The following PCDH15 variants were observed in gnomAD, a reference collection of about 807,000 sequenced individuals.
PCDH15 encodes protocadherin-15.
In PCDH15, 129 loss-of-function variants were observed where a neutral mutation model predicts 178.5. The observed-to-expected ratio is 0.72, with a 90% confidence interval of 0.63 to 0.84. PCDH15 has a LOEUF of 0.84. Ranked by LOEUF, PCDH15 falls within the 40% of genes least tolerant of loss-of-function variation. The probability of loss-of-function intolerance (pLI) is 0.00; values close to 1 mark genes in which losing one functional copy is unlikely to be tolerated. For missense variants in PCDH15, 2,230 were observed against 2,099.9 expected (o/e 1.06, Z -1.21); for synonymous variants, 800 against 732.0 (o/e 1.09, Z -1.50).
intron 19 of PCDH15, among the ~76,000 whole-genome samples, chr10:54,021,130 T>C (rs888342652): frequency 2.0e-5 from 3 of 152,078 alleles, no homozygotes. Context: ...TGTGACATGC[T>C]ATCTAAAAGA....
chr10:54,930,022 C>G (rs1837730850), intron 2 of PCDH15, among the ~76,000 whole-genome samples: 1 of 152,142 alleles, frequency 6.6e-6, no homozygotes, highest in African/African-American at 2.4e-5. Context: ...AATTGAGCTG[C>G]AGACATAGAT....
chr10:54,524,839 A>C (rs1345639603), intron 3 of PCDH15, among the ~76,000 whole-genome samples: 1 of 152,164 alleles, frequency 6.6e-6, no homozygotes, highest in Non-Finnish European at 1.5e-5. Flanking sequence ...ATTACCAGCA[A>C]TTGTGATGAA....
intron 3 of PCDH15, among the ~76,000 whole-genome samples, chr10:54,429,691 A>G (rs1252207962): frequency 2.0e-5 from 3 of 152,214 alleles, no homozygotes; most frequent in Non-Finnish European, 2.9e-5. Flanking sequence ...ATCTATACTC[A>G]TATAAGACAA....
rs145484122 is a variant in PCDH15 at position 53,942,879 on chromosome 10, G to C, written c.3123-1904C>G. On this transcript the variant is annotated intron_variant, in intron 23 of 37. Transcript: ENST00000644397. ...TGTTGTTTTAACCCATTAAGTTCAT[G>C]GTAATATTATTATGCCACAACACAA... 8.1e-3 allele frequency among the ~76,000 whole-genome samples: 1,230 copies of C among 152,120 alleles called. 9 individuals are homozygous for C. The highest frequency in any genetic ancestry group is 0.014 in the Non-Finnish European group (923 of 68,002).
At chr10:54,738,840 T>TA (rs536880892) in intron 1 of PCDH15, among the ~76,000 whole-genome samples, 6 of 151,750 alleles carry the variant, frequency 4.0e-5, no homozygotes, top group African/African-American at 1.2e-4. Flanking sequence ...TTTCCTTCTT[T>TA]AAAAAAAAAT....
intron 6 of PCDH15, among the ~76,000 whole-genome samples, chr10:54,336,238 T>C (rs1310043584): frequency 1.3e-5 from 2 of 152,170 alleles, no homozygotes; most frequent in Non-Finnish European, 2.9e-5. Flanking sequence ...AGCCTGATAA[T>C]GCAGTAGAAA....
chr10:55,091,398 G>T (rs1207501140), intron 2 of PCDH15, among the ~76,000 whole-genome samples: 1 of 151,814 alleles, frequency 6.6e-6, no homozygotes, highest in African/African-American at 2.4e-5. Flanking sequence ...AGTTTCTATA[G>T]TTTTCCCATA....
chr10:54,304,818 T>C (rs1341100887), intron 8 of PCDH15, among the ~76,000 whole-genome samples: 3 of 152,042 alleles, frequency 2.0e-5, no homozygotes, highest in Non-Finnish European at 4.4e-5. Flanking sequence ...CTAACATCAC[T>C]TGGGAAGTAG....
intron 2 of PCDH15, among the ~76,000 whole-genome samples, chr10:55,580,201 A>T (rs1034329383): frequency 6.6e-6 from 1 of 152,094 alleles, no homozygotes; most frequent in Non-Finnish European, 1.5e-5. Context: ...TATATAAATA[A>T]CATTTTGTTA....
At chr10:54,107,203 T>G (rs2094931545) in intron 15 of PCDH15, among the ~76,000 whole-genome samples, 1 of 152,224 alleles carries the variant, frequency 6.6e-6, no homozygotes, top group African/African-American at 2.4e-5. Flanking sequence ...TAACAAGAGA[T>G]AATATTAACA....
chr10:55,382,480 C>T (rs1481165814), intron 2 of PCDH15, among the ~76,000 whole-genome samples: 2 of 152,128 alleles, frequency 1.3e-5, no homozygotes, highest in East Asian at 3.9e-4. Flanking sequence ...GAAAGTACCA[C>T]AAGCCAAAGA....
chr10:55,215,371 A>G (rs1292123159), intron 1 of PCDH15, among the ~76,000 whole-genome samples: 1 of 152,092 alleles, frequency 6.6e-6, no homozygotes, highest in East Asian at 1.9e-4. Flanking sequence ...GTAGTTATGC[A>G]TTTGTACAGT....
intron 2 of PCDH15, among the ~76,000 whole-genome samples, chr10:55,432,800 A>AT (rs1838919348): frequency 6.7e-6 from 1 of 149,798 alleles, no homozygotes; most frequent in Non-Finnish European, 1.5e-5. Context: ...TATATATTTT[A>AT]TTTTTAGTAG....
Position 54,640,681 on chromosome 10 carries a change from T to A in PCDH15, c.91+23491A>T, listed in dbSNP as rs191569817. Among the ~76,000 whole-genome samples the A allele has an allele frequency of 4.5e-4, 68 of 151,954 alleles. 1 individual carries two copies. The highest frequency in any genetic ancestry group is 1.6e-3 in the African/African-American group (65 of 41,462). On this transcript the variant is annotated intron_variant, in intron 2 of 37. Coordinates refer to ENST00000644397, the MANE Select transcript of PCDH15 (RefSeq NM_001384140.1). ...CCTTATTCTTGAAATTACTTATAAA[T>A]GACAGGAATTTTATATGAGTTCTAA...
At chr10:54,956,199 C>T (rs562345001) in intron 2 of PCDH15, among the ~76,000 whole-genome samples, 1 of 151,128 alleles carries the variant, frequency 6.6e-6, no homozygotes, top group Non-Finnish European at 1.5e-5. Context: ...GGTGACTAGA[C>T]CACATAAGTA....
At chr10:55,035,414 T>C (rs1564736175) in intron 2 of PCDH15, among the ~76,000 whole-genome samples, 1 of 152,124 alleles carries the variant, frequency 6.6e-6, no homozygotes, top group Non-Finnish European at 1.5e-5. Context: ...TTTCCCTTTT[T>C]CTTACTTGTG....
intron 2 of PCDH15, among the ~76,000 whole-genome samples, chr10:55,072,625 G>A (rs956139571): frequency 6.6e-6 from 1 of 151,944 alleles, no homozygotes; most frequent in Non-Finnish European, 1.5e-5. Flanking sequence ...CAACCAAAAA[G>A]AGTCCAGGAC....
intron 3 of PCDH15, 60 bp from the exon 4 acceptor site, chr10:54,379,002 G>T: frequency 6.3e-7 from 1 of 1,591,416 alleles, no homozygotes; most frequent in African/African-American, 1.3e-5. Flanking sequence ...CTTTAGCAAA[G>T]ATCATGCTCT....
intron 14 of PCDH15, among the ~76,000 whole-genome samples, chr10:54,149,766 A>C (rs939085323): frequency 6.6e-6 from 1 of 152,160 alleles, no homozygotes; most frequent in Non-Finnish European, 1.5e-5. Flanking sequence ...GAAGAGATTG[A>C]AGAGAGCACA....
Sources: gnomAD v4.1 joint callset for allele counts (sites outside exome capture counted in the v4.1 genomes callset) on GRCh38, gnomAD v4.1.1 for gene constraint, MANE v1.5 for transcripts, NCBI Gene and HGNC (gene_info 2026-07-23, HGNC 2026-07-21) for gene names.